DENND2B: variants seen among roughly 807,000 people sequenced by gnomAD.
DENND2B encodes DENN domain-containing protein 2B.
DENND2B carries 32 observed loss-of-function variants against 116.0 expected under a neutral mutation model. That is an observed-to-expected ratio of 0.28 (90% CI 0.21 to 0.37). The LOEUF (loss-of-function observed/expected upper bound fraction) is 0.37, where lower values mean the gene tolerates loss of function less well. DENND2B is among the 10% of genes least tolerant of loss of function. The pLI, the probability that DENND2B is intolerant of heterozygous loss-of-function variation, is 1.00. For synonymous variants in DENND2B, 588 were observed against 583.9 expected, an observed-to-expected ratio of 1.01 and a Z score of -0.10; for missense variants, 1,276 against 1,477.7, an observed-to-expected ratio of 0.86 and a Z score of 2.24.
intron 4 of DENND2B, among the ~76,000 whole-genome samples, chr11:8,821,777 T>C (rs1272770071): frequency 6.6e-6 from 1 of 152,232 alleles, no homozygotes; most frequent in Non-Finnish European, 1.5e-5. Context: ...ACACTGCTGC[T>C]ATTGTAGATT....
At chr11:8,884,860 C>T (rs1248281307) in intron 1 of DENND2B, among the ~76,000 whole-genome samples, 2 of 152,168 alleles carry the variant, frequency 1.3e-5, no homozygotes, top group African/African-American at 2.4e-5. Flanking sequence ...TCTTCAATAT[C>T]AGTGTGTTAA....
intron 15 of DENND2B, 52 bp from the exon 16 acceptor site, chr11:8,699,026 C>T: frequency 6.2e-7 from 1 of 1,606,956 alleles, no homozygotes; most frequent in Non-Finnish European, 8.5e-7. Context: ...TCCCGCAATG[C>T]CCTCTGCCAG....
chr11:8,884,205 T>G (rs374226114), intron 1 of DENND2B, among the ~76,000 whole-genome samples: 5 of 152,176 alleles, frequency 3.3e-5, no homozygotes, highest in African/African-American at 1.2e-4. Context: ...TTAAGGGCTT[T>G]CTCCATGACA....
In DENND2B at chr11:8,731,067, G is replaced by A. The variant is rs775053117; in HGVS notation, c.223C>T (p.Pro75Ser). 6.2e-7 allele frequency: 1 copy of A among 1,613,760 alleles called. No homozygotes were observed. The highest frequency in any genetic ancestry group is 8.5e-7 in the Non-Finnish European group (1 of 1,179,704). ...GGATCTTGAGGATTCTGGGGTGAAGGAGCTGGGGGGTGCCGGTCCTTGAGG... is the reference window on the plus strand; with the variant it reads ...GGATCTTGAGGATTCTGGGGTGAAGAAGCTGGGGGGTGCCGGTCCTTGAGG... ...VLLKDRHPPA[P>S]SPQNPQDPSP... Residue 75 changes from proline (P) to serine (S), a missense_variant, in exon 3 of 20, where the codon CCT (proline) becomes TCT (serine). Transcript: ENST00000313726.
At chr11:8,744,152 G>C (rs1242044682) in intron 2 of DENND2B, among the ~76,000 whole-genome samples, 1 of 148,040 alleles carries the variant, frequency 6.8e-6, no homozygotes, top group Non-Finnish European at 1.5e-5. Flanking sequence ...TTTTTTTGGG[G>C]GACAGAGTTT....
chr11:8,718,978 C>T, intron 4 of DENND2B: 2 of 987,220 alleles, frequency 2.0e-6, no homozygotes, highest in South Asian at 4.7e-5. Context: ...CTCTCTGCAC[C>T]CCTTTCCCTA....
At chr11:8,699,013 G>A in intron 15 of DENND2B, 39 bp from the exon 16 acceptor site, 1 of 1,611,458 alleles carries the variant, frequency 6.2e-7, no homozygotes, top group South Asian at 1.1e-5. Flanking sequence ...CTCAGGGCAT[G>A]AGTCCCGCAA....
chr11:8,894,784 C>G (rs1463417515), intron 1 of DENND2B, among the ~76,000 whole-genome samples: 1 of 152,156 alleles, frequency 6.6e-6, no homozygotes, highest in Non-Finnish European at 1.5e-5. Flanking sequence ...AATAGGAACA[C>G]TTTTACACTG....
At chr11:8,718,949 G>C in intron 4 of DENND2B, 1 of 988,340 alleles carries the variant, frequency 1.0e-6, no homozygotes, top group Non-Finnish European at 1.2e-6. Context: ...CAGGTCCCTG[G>C]GGAACTCAGA....
intron 1 of DENND2B, among the ~76,000 whole-genome samples, chr11:8,770,899 G>C (rs1273795482): frequency 6.6e-6 from 1 of 152,080 alleles, no homozygotes; most frequent in African/African-American, 2.4e-5. Flanking sequence ...TGTGCACAGG[G>C]AAGTACGCAC....
At chr11:8,748,265 C>G (rs1242971061) in intron 2 of DENND2B, among the ~76,000 whole-genome samples, 1 of 152,194 alleles carries the variant, frequency 6.6e-6, no homozygotes, top group Non-Finnish European at 1.5e-5. Flanking sequence ...TACCAAACAC[C>G]TATTGAAAGG....
intron 1 of DENND2B, among the ~76,000 whole-genome samples, chr11:8,799,561 C>CTTTTT (rs67190732): frequency 1.8e-5 from 2 of 114,056 alleles, no homozygotes; most frequent in African/African-American, 3.2e-5. Context: ...TCCTTTTTCT[C>CTTTTT]TTTTTTTTTT....
intron 3 of DENND2B, among the ~76,000 whole-genome samples, chr11:8,844,927 G>A (rs1038249347): frequency 2.6e-5 from 4 of 151,708 alleles, no homozygotes; most frequent in Non-Finnish European, 5.9e-5. Context: ...ATTTTTGTAG[G>A]AACAGAGTCT....
At chr11:8,724,230 A>G (rs1267003062) in intron 4 of DENND2B, among the ~76,000 whole-genome samples, 1 of 151,622 alleles carries the variant, frequency 6.6e-6, no homozygotes, top group East Asian at 1.9e-4. Context: ...CGGGATGCGG[A>G]GCTTGCAGTG....
intron 1 of DENND2B, among the ~76,000 whole-genome samples, chr11:8,802,140 A>G (rs1593914470): frequency 6.6e-6 from 1 of 152,026 alleles, no homozygotes; most frequent in African/African-American, 2.4e-5. Flanking sequence ...ATCGATACTA[A>G]AAATACAAAA....
chr11:8,829,734 G>A (rs1450317813), intron 4 of DENND2B, among the ~76,000 whole-genome samples: 2 of 152,008 alleles, frequency 1.3e-5, no homozygotes, highest in African/African-American at 2.4e-5. Flanking sequence ...CCTATATCAC[G>A]GGTCCCGCCC....
intron 3 of DENND2B, chr11:8,839,406 A>AGC (rs1267560791): frequency 2.7e-4 from 41 of 152,336 alleles, no homozygotes; most frequent in African/African-American, 9.4e-4. Context: ...TACACTTTCC[A>AGC]ATAACCTTTA....
intron 3 of DENND2B, among the ~76,000 whole-genome samples, chr11:8,840,772 C>T (rs1011334483): frequency 6.6e-6 from 1 of 152,186 alleles, no homozygotes; most frequent in Non-Finnish European, 1.5e-5. Flanking sequence ...CTTGCAGCCC[C>T]TTCCTGCAGC....
At chr11:8,843,250 C>T (rs1181601256) in intron 3 of DENND2B, among the ~76,000 whole-genome samples, 6 of 152,066 alleles carry the variant, frequency 3.9e-5, no homozygotes, top group South Asian at 2.1e-4. Context: ...TCAGGTGATT[C>T]GCCCACCTCG....
Sources: allele counts gnomAD v4.1 joint callset (sites outside exome capture counted in the v4.1 genomes callset), GRCh38; gene constraint gnomAD v4.1.1; transcripts MANE v1.5; gene names NCBI Gene and HGNC (gene_info 2026-07-23, HGNC 2026-07-21).